IGSF9: variants seen among roughly 807,000 people sequenced by gnomAD.
IGSF9 encodes immunoglobulin superfamily member 9.
Under a neutral mutation model 121.7 loss-of-function variants are expected in IGSF9, and 87 were observed. The ratio of observed to expected loss-of-function variants is 0.71; its 90% confidence interval spans 0.60 to 0.85. The LOEUF is 0.85. Among genes scored for constraint, IGSF9 ranks in the 40% least tolerant of loss-of-function variants. The pLI is 0.00. For synonymous variants in IGSF9, 640 were observed against 648.4 expected (o/e 0.99, Z 0.20); for missense variants, 1,462 against 1,565.3 (o/e 0.93, Z 1.11).
chr1:159,934,085 T>C, intron 9 of IGSF9, 105 bp downstream of exon 9: 3 of 1,267,212 alleles, frequency 2.4e-6, no homozygotes, highest in Non-Finnish European at 2.2e-6. Flanking sequence ...AAAAGATGTG[T>C]GTCCCCAGTC....
chr1:159,930,569 C>G (rs1650958507), intron 14 of IGSF9, 123 bp downstream of exon 14: 1 of 1,534,990 alleles, frequency 6.5e-7, no homozygotes, highest in Non-Finnish European at 8.9e-7. Context: ...TCCACACACC[C>G]CTCTGGACCC....
At position 159,930,844 on chromosome 1, in the gene IGSF9, T is replaced by C; in HGVS notation, c.1661A>G (p.His554Arg). Reference protein sequence around the residue: ...TPLAKRPDRMHHDWVSLAVPV... With the variant: ...TPLAKRPDRMRHDWVSLAVPV... ...CACTGCCAAGGACACCCAGTCATGGTGCATTCGGTCAGGACGCTTGGCCCT... is the reference window on the plus strand; with the variant it reads ...CACTGCCAAGGACACCCAGTCATGGCGCATTCGGTCAGGACGCTTGGCCCT... The change falls in exon 14 of 21, where the codon CAC becomes CGC. Residue 554 changes from histidine (H) to arginine (R), a missense_variant. Coordinates refer to ENST00000368094, the MANE Select transcript of IGSF9 (RefSeq NM_001135050.2). 1 of 1,611,376 alleles carries C rather than the reference T, an allele frequency of 6.2e-7. No homozygotes were observed. The highest frequency in any genetic ancestry group is 8.5e-7 in the Non-Finnish European group (1 of 1,178,732).
Position 159,928,341 on chromosome 1 carries a change from G to GCTGCCTCC in IGSF9, c.3046_3047insGGAGGCAG (p.Ala1016GlyfsTer60). On this transcript the variant is annotated frameshift_variant, in exon 19 of 21. Transcript: ENST00000368094. LOFTEE classifies it high-confidence loss of function. ...CTGGCTGGTGAGGCTGCCTCGAGGG[G>GCTGCCTCC]CAGCAGGGAGAAGGCCTGGCAGCAG... 6.2e-7 allele frequency: 1 copy of GCTGCCTCC among 1,609,638 alleles called. No individual in the cohort carries two copies. Among genetic ancestry groups the GCTGCCTCC allele is most frequent in the Non-Finnish European group, 8.5e-7 (1 of 1,178,154 alleles).
At position 159,928,485 on chromosome 1, in the gene IGSF9, C is replaced by T. The variant is rs746964689; in HGVS notation, c.2903G>A (p.Arg968His). Residue 968 changes from arginine to histidine, a missense_variant, in exon 19 of 21, where the codon CGT (arginine) becomes CAT (histidine). By Grantham distance (29) the Arg-to-His change is conservative. This residue lies in a region of IGSF9 where 808 missense variants were observed against 815.2 expected (regional missense o/e 0.99). Transcript: ENST00000368094. Reference protein sequence around the residue: ...TRRCPTSSFLRSPETPPVSPR... With the variant: ...TRRCPTSSFLHSPETPPVSPR... Reference sequence around the variant, plus strand: ...GGATACAGGAGGGGTTTCTGGAGAACGAAGGAAAGATGAGGTGGGACAGCG... The same window carrying T: ...GGATACAGGAGGGGTTTCTGGAGAATGAAGGAAAGATGAGGTGGGACAGCG... 1.3e-5 allele frequency: 20 copies of T among 1,585,238 alleles called. No homozygotes were observed. In the Middle Eastern group the frequency reaches 5.0e-4, roughly 40 times the overall value.
intron 6 of IGSF9, among the ~76,000 whole-genome samples, chr1:159,935,546 C>G (rs1186121376): frequency 6.6e-6 from 1 of 152,254 alleles, no homozygotes; most frequent in Non-Finnish European, 1.5e-5. Context: ...AAAAGCACCT[C>G]TGGCTACTAC....
chr1:159,942,812 C>T (rs191595873), intron 3 of IGSF9, 151 bp downstream of exon 3: 4 of 630,408 alleles, frequency 6.3e-6, no homozygotes, highest in African/African-American at 1.9e-5. Flanking sequence ...CTTGGGAGCA[C>T]AGCCATGCTT....
In IGSF9 at chr1:159,928,927, C is replaced by T. The variant is rs1249050859; in HGVS notation, c.2461G>A (p.Gly821Arg). Reference protein sequence around the residue: ...VPSLRQSLLWGDPAGTPSPHP... With the variant: ...VPSLRQSLLWRDPAGTPSPHP... ...GGGCTGGGAGTTCCGGCAGGATCCCCCCAGAGCAGACTCTGGCGCAGGCTG... is the reference window on the plus strand; with the variant it reads ...GGGCTGGGAGTTCCGGCAGGATCCCTCCAGAGCAGACTCTGGCGCAGGCTG... Residue 821 changes from glycine to arginine, a missense_variant, in exon 19 of 21, where the codon GGG becomes AGG. Around this residue, in one of 3 missense-constraint regions of IGSF9, gnomAD observed 808 missense variants for 815.2 expected, o/e 0.99. Transcript: ENST00000368094. 2 of 1,574,906 alleles carry T rather than the reference C, an allele frequency of 1.3e-6. No individual in the cohort carries two copies. The highest frequency in any genetic ancestry group is 1.7e-6 in the Non-Finnish European group (2 of 1,162,780).
intron 7 of IGSF9, 37 bp from the exon 8 acceptor site, chr1:159,934,607 T>C: frequency 1.2e-6 from 2 of 1,613,308 alleles, no homozygotes; most frequent in Non-Finnish European, 1.7e-6. Context: ...GTCCAGGCCT[T>C]GCCCAGCCAA....
At chr1:159,937,592 A>G in intron 4 of IGSF9, 94 bp downstream of exon 4, 2 of 1,423,084 alleles carry the variant, frequency 1.4e-6, no homozygotes, top group Non-Finnish European at 2.0e-6. Context: ...GTGGGATGGA[A>G]ATAGAACTCC....
chr1:159,932,011 C>T lies in IGSF9; in HGVS notation c.1246-83G>A. On this transcript the variant is annotated intron_variant, in intron 10 of 20. Transcript: ENST00000368094. The surrounding 1 kb of genome is among the most constrained non-coding windows in gnomAD (Gnocchi z 4.1). ...CCCTCTCTCTGTGCTCCCTGTCATG[C>T]CATGTCTCACCTCACTCTCCCTCAC... The T allele has an allele frequency of 1.2e-6, 1 of 806,870 alleles. No individual in the cohort carries two copies. The highest frequency in any genetic ancestry group is 2.0e-6 in the Non-Finnish European group (1 of 493,868). The allele number at this position is 806,870 out of a possible 1,614,324, so 50.0% of individuals were successfully genotyped here. A position where few individuals can be genotyped will look rare whatever the true frequency, so the allele number is the denominator to read the frequency against.
chr1:159,935,843 C>T (rs375345972), intron 6 of IGSF9, among the ~76,000 whole-genome samples: 5 of 152,308 alleles, frequency 3.3e-5, no homozygotes, highest in African/African-American at 9.6e-5. Context: ...ATGCCACAGA[C>T]GACACCTTTA....
rs761157853 is a variant in IGSF9 at position 159,936,917 on chromosome 1, G to T, written c.401-9C>A. ...CTGGAATTGAGGGGGTGCTGCAAGG[G>T]AGACAGGCATCAGGGGCCCCAGTGG... On this transcript the variant is annotated splice_polypyrimidine_tract_variant and intron_variant, in intron 4 of 20. Coordinates refer to ENST00000368094, the MANE Select transcript of IGSF9 (RefSeq NM_001135050.2). The T allele has an allele frequency of 1.2e-6, 2 of 1,613,946 alleles. No individual in the cohort carries two copies. The highest frequency in any genetic ancestry group is 3.3e-5 in the Admixed American group (2 of 60,014).
In IGSF9 at chr1:159,927,132, G is replaced by GAGAGAGT; in HGVS notation, c.*212_*213insACTCTCT. 4.9e-6 allele frequency: 2 copies of GAGAGAGT among 408,774 alleles called. No individual in the cohort carries two copies. The highest frequency in any genetic ancestry group is 4.3e-5 in the East Asian group (1 of 23,332). The allele number at this position is 408,774 out of a possible 1,614,324, so 25.3% of individuals were successfully genotyped here. ...GAGAGAGAGAGAGAGAGAGAGAGAGGCAGACCTAAGATCCCTGTTCCAATC... is the reference window on the plus strand; with the variant it reads ...GAGAGAGAGAGAGAGAGAGAGAGAGGAGAGAGTCAGACCTAAGATCCCTGTTCCAATC... On this transcript the variant is annotated 3_prime_UTR_variant, in exon 21 of 21. Transcript: ENST00000368094.
chr1:159,936,538 A>T (rs759965630), intron 5 of IGSF9, 22 bp from the exon 6 acceptor site: 2 of 1,608,894 alleles, frequency 1.2e-6, no homozygotes, highest in East Asian at 2.2e-5. Context: ...GTGGGTGAGG[A>T]AGAGTCCTTT....
chr1:159,927,265 T>G lies in IGSF9; in HGVS notation c.*80A>C. 2 of 1,562,228 alleles carry G rather than the reference T, an allele frequency of 1.3e-6. No homozygotes were observed. The highest frequency in any genetic ancestry group is 2.2e-5 in the South Asian group (2 of 89,602). On this transcript the variant is annotated 3_prime_UTR_variant, in exon 21 of 21. Coordinates refer to ENST00000368094, the MANE Select transcript of IGSF9 (RefSeq NM_001135050.2). ...AAAGGGGCAGGCAGGGGCAGTGCCC[T>G]CGTTTGAAACTAGGTCTGTCTGGTT...
At chr1:159,943,317 C>T in intron 2 of IGSF9, 80 bp downstream of exon 2, 1 of 1,420,482 alleles carries the variant, frequency 7.0e-7, no homozygotes, top group Non-Finnish European at 9.4e-7. Context: ...CTCACATGCT[C>T]AAAGAGGAAC....
chr1:159,938,693 C>T (rs2101881476), intron 3 of IGSF9, among the ~76,000 whole-genome samples: 1 of 152,316 alleles, frequency 6.6e-6, no homozygotes, highest in East Asian at 1.9e-4. Flanking sequence ...GGCATGAGTC[C>T]AGCTCGACTG....
chr1:159,944,302 T>C (rs1275266249), intron 1 of IGSF9, among the ~76,000 whole-genome samples: 1 of 152,110 alleles, frequency 6.6e-6, no homozygotes, highest in Non-Finnish European at 1.5e-5. Context: ...TACACTGCTT[T>C]GGCAGTGAGT....
intron 3 of IGSF9, among the ~76,000 whole-genome samples, chr1:159,938,957 T>C (rs1174371219): frequency 6.6e-6 from 1 of 152,112 alleles, no homozygotes; most frequent in Non-Finnish European, 1.5e-5. Context: ...CACCTTCCTT[T>C]TCTCTTCCTG....
Sources: allele counts gnomAD v4.1 joint callset (sites outside exome capture counted in the v4.1 genomes callset), GRCh38; gene constraint gnomAD v4.1.1; regional missense constraint gnomAD v4.1.1; non-coding constraint Gnocchi (gnomAD v3.1); transcripts MANE v1.5; gene names NCBI Gene and HGNC (gene_info 2026-07-23, HGNC 2026-07-21).